The following RNF149 variants were observed in gnomAD, a reference collection of about 807,000 sequenced individuals.
The protein encoded by RNF149 is E3 ubiquitin-protein ligase RNF149.
In RNF149, 21 loss-of-function variants were observed where a neutral mutation model predicts 39.0. The observed-to-expected ratio is 0.54, with a 90% CI of 0.38 to 0.77. The LOEUF (loss-of-function observed/expected upper bound fraction) is 0.77, where lower values mean the gene tolerates loss of function less well. Ranked by LOEUF, RNF149 falls within the 30% of genes least tolerant of loss-of-function variation. The probability of loss-of-function intolerance (pLI) is 0.00; values close to 1 mark genes in which losing one functional copy is unlikely to be tolerated. For synonymous variants in RNF149, 209 were observed against 213.6 expected (o/e 0.98, Z 0.19); for missense variants, 493 against 534.9 (o/e 0.92, Z 0.77).
At chr2:101,305,372 T>C (rs2104441360) in intron 1 of RNF149, among the ~76,000 whole-genome samples, 1 of 152,316 alleles carries the variant, frequency 6.6e-6, no homozygotes, top group South Asian at 2.1e-4. Context: ...AAGGGTCTTT[T>C]CATTTCTGCA....
At chr2:101,299,836 C>T (rs998476177) in intron 1 of RNF149, among the ~76,000 whole-genome samples, 17 of 152,202 alleles carry the variant, frequency 1.1e-4, no homozygotes, top group Admixed American at 1.1e-3. Context: ...CAGGGAGTTG[C>T]TCAATGTCAC....
chr2:101,302,282 T>A (rs527407479), intron 1 of RNF149, among the ~76,000 whole-genome samples: 1 of 152,290 alleles, frequency 6.6e-6, no homozygotes, highest in Non-Finnish European at 1.5e-5. Context: ...CTGGCTCATC[T>A]TTTAGTGCTA....
chr2:101,306,374 G>A (rs774630548), intron 1 of RNF149, among the ~76,000 whole-genome samples: 1 of 152,208 alleles, frequency 6.6e-6, no homozygotes, highest in Non-Finnish European at 1.5e-5. Context: ...GGAGTGCTAT[G>A]TCAAATCTGA....
intron 5 of RNF149, among the ~76,000 whole-genome samples, chr2:101,285,778 G>T (rs1182019772): frequency 6.6e-6 from 1 of 152,136 alleles, no homozygotes; most frequent in African/African-American, 2.4e-5. Context: ...TATGATTCTT[G>T]TCTATACAAA....
At chr2:101,293,775 G>C (rs369297386) in intron 3 of RNF149, among the ~76,000 whole-genome samples, 2 of 152,200 alleles carry the variant, frequency 1.3e-5, no homozygotes, top group Non-Finnish European at 2.9e-5. Flanking sequence ...CAGGAGGGCA[G>C]CAACCAGCCA....
intron 6 of RNF149, among the ~76,000 whole-genome samples, chr2:101,277,998 AG>A (rs1682415836): frequency 6.6e-6 from 1 of 152,218 alleles, no homozygotes; most frequent in Admixed American, 6.5e-5. Context: ...ATAGATGGCA[AG>A]GAAGAGGAGG....
intron 1 of RNF149, among the ~76,000 whole-genome samples, chr2:101,302,199 GTTT>G (rs758494743): frequency 6.6e-6 from 1 of 152,082 alleles, no homozygotes; most frequent in Non-Finnish European, 1.5e-5. Context: ...GTTCTTATTT[GTTT>G]TTGTAGCCCT....
chr2:101,292,782 A>AT (rs1683067508), intron 3 of RNF149, among the ~76,000 whole-genome samples: 1 of 152,160 alleles, frequency 6.6e-6, no homozygotes, highest in African/African-American at 2.4e-5. Context: ...AGAAAAAAAA[A>AT]GAACTGCAAT....
At chr2:101,279,895 G>T (rs377393048) in intron 6 of RNF149, among the ~76,000 whole-genome samples, 1 of 152,084 alleles carries the variant, frequency 6.6e-6, no homozygotes. Flanking sequence ...CTGAAGCATC[G>T]ATTCTTCCCA....
At position 101,294,070 on chromosome 2, in the gene RNF149, C is replaced by G. The variant is rs185034388; in HGVS notation, c.724G>C (p.Glu242Gln). Residue 242 changes from glutamate to glutamine, a missense_variant, in exon 3 of 7, where the codon GAA becomes CAA. Coordinates refer to ENST00000295317, the MANE Select transcript of RNF149 (RefSeq NM_173647.4). ...SQIGSQSHRK[E>Q]TKKVIGQLLL... ...AGCTGGCCAATAACTTTCTTAGTTTCTTTTCTATGGCTCTTGGGTAGGAAA... is the reference window on the plus strand; with the variant it reads ...AGCTGGCCAATAACTTTCTTAGTTTGTTTTCTATGGCTCTTGGGTAGGAAA... 2.1e-5 allele frequency: 32 copies of G among 1,556,366 alleles called. No individual in the cohort carries two copies. The Admixed American group carries it at 5.2e-4, about 25-fold the overall frequency.
At chr2:101,286,019 G>A in intron 5 of RNF149, 62 bp downstream of exon 5, 1 of 950,254 alleles carries the variant, frequency 1.1e-6, no homozygotes, top group Non-Finnish European at 1.7e-6. Context: ...AGTCAATAAT[G>A]AAACTGAATC....
At chr2:101,277,397 A>C (rs981217422) in intron 6 of RNF149, 116 bp from the exon 7 acceptor site, 1 of 1,395,254 alleles carries the variant, frequency 7.2e-7, no homozygotes, top group Non-Finnish European at 9.4e-7. Flanking sequence ...CAGAAAAAAA[A>C]ATTTTTTTTG....
At chr2:101,305,117 G>T (rs1256442390) in intron 1 of RNF149, among the ~76,000 whole-genome samples, 1 of 152,090 alleles carries the variant, frequency 6.6e-6, no homozygotes, top group Non-Finnish European at 1.5e-5. Context: ...GGGGATTACA[G>T]GCATGAGCCA....
intron 3 of RNF149, among the ~76,000 whole-genome samples, chr2:101,290,756 AAG>A (rs1376252003): frequency 1.3e-5 from 2 of 152,360 alleles, no homozygotes; most frequent in Admixed American, 6.5e-5. Flanking sequence ...TAAAGGTACA[AAG>A]AAACAAAAAG....
At position 101,308,394 on chromosome 2, in the gene RNF149, G is replaced by C. The variant is rs770592958; in HGVS notation, c.195C>G (p.Gly65=). 2 of 1,610,182 alleles carry C rather than the reference G, an allele frequency of 1.2e-6. No individual in the cohort carries two copies. The highest frequency in any genetic ancestry group is 2.2e-5 in the South Asian group (2 of 90,786). Residue 65 remains glycine (G), a synonymous_variant, in exon 1 of 7, where the codon GGC becomes GGG. Transcript: ENST00000295317. ...GCGCGCCCTCCTTGGGCGAGCTGTC[G>C]CCGAAGCGGCCACTCTCCGAGACGC... The part of the protein sequence containing the change: ...VWSVSESGRF[G]DSSPKEGAHG...
intron 3 of RNF149, among the ~76,000 whole-genome samples, chr2:101,292,972 CTTTT>C (rs34103366): frequency 7.7e-6 from 1 of 130,548 alleles, no homozygotes; most frequent in Non-Finnish European, 1.6e-5. Context: ...GAGATGTGAT[CTTTT>C]TTTTTTTTTT....
chr2:101,291,277 A>C (rs1285901208), intron 3 of RNF149, among the ~76,000 whole-genome samples: 1 of 151,972 alleles, frequency 6.6e-6, no homozygotes, highest in Non-Finnish European at 1.5e-5. Context: ...CAGCCTCCTG[A>C]GTTGCTAGGA....
intron 3 of RNF149, among the ~76,000 whole-genome samples, chr2:101,292,671 C>T (rs1335897364): frequency 6.6e-6 from 1 of 152,098 alleles, no homozygotes; most frequent in African/African-American, 2.4e-5. Context: ...GAGACTGAGG[C>T]AGGAGAATGG....
Position 101,297,120 on chromosome 2 carries a change from A to G in RNF149, c.461-1939T>C, listed in dbSNP as rs1683262618. On this transcript the variant is annotated intron_variant, in intron 1 of 6. Transcript: ENST00000295317. The stretch of plus-strand genomic sequence containing the variant: ...GCTACTCAGGAGACAGAGATAGGAG[A>G]ATTGCTTGAACCCAGGAGGCAGAGG... Among the ~76,000 whole-genome samples, 3 of 152,128 alleles carry G rather than the reference A, an allele frequency of 2.0e-5. No homozygotes were observed. The South Asian group carries it at 6.2e-4, about 31-fold the overall frequency.
Sources: gnomAD v4.1 joint callset for allele counts (sites outside exome capture counted in the v4.1 genomes callset) on GRCh38, gnomAD v4.1.1 for gene constraint, MANE v1.5 for transcripts, NCBI Gene and HGNC (gene_info 2026-07-23, HGNC 2026-07-21) for gene names.